Variants in GUCY1A2 observed in about 807,000 individuals in gnomAD.
GUCY1A2 encodes guanylate cyclase soluble subunit alpha-2.
In GUCY1A2, 27 loss-of-function variants were observed where a neutral mutation model predicts 63.5. That is an observed-to-expected ratio of 0.43 (90% CI 0.31 to 0.59). GUCY1A2 has a LOEUF of 0.59. GUCY1A2 is among the 20% of genes least tolerant of loss of function. The probability of loss-of-function intolerance (pLI) is 0.11; values close to 1 mark genes in which losing one functional copy is unlikely to be tolerated. For missense variants in GUCY1A2, 768 were observed against 913.3 expected (o/e 0.84, Z 2.05); for synonymous variants, 364 against 343.5 (o/e 1.06, Z -0.66).
At chr11:106,982,516 G>A (rs1861350467) in intron 2 of GUCY1A2, among the ~76,000 whole-genome samples, 1 of 152,156 alleles carries the variant, frequency 6.6e-6, no homozygotes, top group Non-Finnish European at 1.5e-5. Flanking sequence ...AAGTGAGCAT[G>A]AATATGTAGA....
At chr11:106,705,285 C>A (rs138629961) in intron 7 of GUCY1A2, among the ~76,000 whole-genome samples, 2 of 152,156 alleles carry the variant, frequency 1.3e-5, no homozygotes, top group African/African-American at 4.8e-5. Flanking sequence ...CAGTAAGGGA[C>A]TTTTGTTAAT....
intron 4 of GUCY1A2, 122 bp downstream of exon 4, chr11:106,939,338 C>G (rs1411400234): frequency 3.1e-6 from 2 of 644,994 alleles, no homozygotes; most frequent in Non-Finnish European, 5.5e-6. Flanking sequence ...GACCAGTAAT[C>G]TTCTAAATGG....
At chr11:106,762,301 C>G (rs1302355043) in intron 6 of GUCY1A2, among the ~76,000 whole-genome samples, 1 of 151,940 alleles carries the variant, frequency 6.6e-6, no homozygotes, top group Non-Finnish European at 1.5e-5. Context: ...ACTTGTGCAG[C>G]AAAGGATCAG....
chr11:106,873,834 G>T (rs564713545), intron 4 of GUCY1A2, among the ~76,000 whole-genome samples: 1 of 151,980 alleles, frequency 6.6e-6, no homozygotes, highest in South Asian at 2.1e-4. Context: ...TTCTTAATAC[G>T]TTCTTCACCA....
At chr11:106,802,235 C>G (rs923830562) in intron 5 of GUCY1A2, among the ~76,000 whole-genome samples, 1 of 152,112 alleles carries the variant, frequency 6.6e-6, no homozygotes, top group Non-Finnish European at 1.5e-5. Context: ...TTTTAGTAAA[C>G]TCACCCTATG....
intron 4 of GUCY1A2, among the ~76,000 whole-genome samples, chr11:106,897,383 T>A (rs1490364857): frequency 1.3e-5 from 2 of 152,054 alleles, no homozygotes; most frequent in African/African-American, 2.4e-5. Context: ...ATACTTGAAA[T>A]ATACAACACG....
intron 2 of GUCY1A2, among the ~76,000 whole-genome samples, chr11:106,985,069 G>GAA (rs1329929409): frequency 6.6e-6 from 1 of 150,400 alleles, no homozygotes; most frequent in Non-Finnish European, 1.5e-5. Context: ...TCTGTTCTGT[G>GAA]AAAAAAAAAT....
At chr11:106,907,215 C>T (rs563566978) in intron 4 of GUCY1A2, among the ~76,000 whole-genome samples, 1 of 152,012 alleles carries the variant, frequency 6.6e-6, no homozygotes, top group East Asian at 1.9e-4. Context: ...CAAATAAAAG[C>T]TTCCCCTTCC....
chr11:106,890,268 C>A (rs533633851), intron 4 of GUCY1A2, among the ~76,000 whole-genome samples: 6 of 152,170 alleles, frequency 3.9e-5, no homozygotes, highest in Non-Finnish European at 8.8e-5. Context: ...GTCTTAAGTG[C>A]ACTTGTAATT....
intron 6 of GUCY1A2, among the ~76,000 whole-genome samples, chr11:106,773,290 T>C (rs1864290929): frequency 6.6e-6 from 1 of 152,212 alleles, no homozygotes; most frequent in African/African-American, 2.4e-5. Context: ...TACTACAGCA[T>C]TCTTTAATGA....
intron 4 of GUCY1A2, chr11:106,826,747 C>G: frequency 6.2e-7 from 1 of 1,610,918 alleles, no homozygotes; most frequent in South Asian, 1.1e-5. Flanking sequence ...TGCATACCAT[C>G]CCATCTGTCT....
intron 7 of GUCY1A2, among the ~76,000 whole-genome samples, chr11:106,692,267 G>A (rs1862638576): frequency 6.6e-6 from 1 of 152,012 alleles, no homozygotes; most frequent in Non-Finnish European, 1.5e-5. Context: ...ACACACTCTG[G>A]GAGTTTTGGC....
intron 7 of GUCY1A2, among the ~76,000 whole-genome samples, chr11:106,703,418 G>C (rs774837950): frequency 3.9e-5 from 6 of 152,146 alleles, no homozygotes; most frequent in Non-Finnish European, 7.4e-5. Context: ...CAGTGGGCCT[G>C]ACATAATCAC....
At chr11:106,838,999 T>A (rs1255221160) in intron 4 of GUCY1A2, among the ~76,000 whole-genome samples, 1 of 152,128 alleles carries the variant, frequency 6.6e-6, no homozygotes, top group Non-Finnish European at 1.5e-5. Flanking sequence ...CATTTGTCAA[T>A]TTTGGCTTTT....
At chr11:106,859,464 G>A (rs533083904) in intron 4 of GUCY1A2, among the ~76,000 whole-genome samples, 74 of 151,846 alleles carry the variant, frequency 4.9e-4, no homozygotes, top group Non-Finnish European at 2.2e-4. Flanking sequence ...TAGTGCCAAC[G>A]GAATTGTACA....
At chr11:106,822,134 A>G (rs1387517118) in intron 4 of GUCY1A2, among the ~76,000 whole-genome samples, 1 of 152,230 alleles carries the variant, frequency 6.6e-6, no homozygotes, top group African/African-American at 2.4e-5. Flanking sequence ...CTAAAGGAAT[A>G]ATAGAACAGT....
chr11:106,843,047 T>A (rs1158425978), intron 4 of GUCY1A2, among the ~76,000 whole-genome samples: 3 of 151,916 alleles, frequency 2.0e-5, no homozygotes, highest in African/African-American at 7.2e-5. Context: ...GTTCTATTTA[T>A]TTATTTTTAA....
In GUCY1A2 at chr11:106,776,538, G is replaced by A. The variant is rs541212266; in HGVS notation, c.1737C>T (p.His579=). Residue 579 remains histidine (H), a synonymous_variant, in exon 6 of 8, where the codon CAC becomes CAT. Transcript: ENST00000526355. Reference sequence around the variant, plus strand: ...GTTTAGCATGGCAGAGGCTTTTTCTGTGGAGCCCTGCTGCAACACAGTAGG... The same window carrying A: ...GTTTAGCATGGCAGAGGCTTTTTCTATGGAGCCCTGCTGCAACACAGTAGG... ...GDAYCVAAGL[H]RKSLCHAKPI... is the part of the protein sequence containing the mutation. 1 of 1,613,550 alleles carries A rather than the reference G, an allele frequency of 6.2e-7. No homozygotes were observed. The highest frequency in any genetic ancestry group is 1.3e-5 in the African/African-American group (1 of 75,020).
chr11:106,915,274 T>C (rs1301945944), intron 4 of GUCY1A2, among the ~76,000 whole-genome samples: 1 of 152,098 alleles, frequency 6.6e-6, no homozygotes, highest in African/African-American at 2.4e-5. Flanking sequence ...ATGTATTGCC[T>C]GAATATAGCC....
Sources: gnomAD v4.1 joint callset for allele counts (sites outside exome capture counted in the v4.1 genomes callset) on GRCh38, gnomAD v4.1.1 for gene constraint, MANE v1.5 for transcripts, NCBI Gene and HGNC (gene_info 2026-07-23, HGNC 2026-07-21) for gene names.